Variants in ZNF385D observed in about 807,000 individuals in gnomAD.
ZNF385D encodes the protein zinc finger protein 659.
ZNF385D carries 15 observed loss-of-function variants against 35.8 expected under a neutral mutation model. The ratio of observed to expected loss-of-function variants is 0.42; its 90% CI spans 0.28 to 0.64. The LOEUF is 0.64. ZNF385D is among the 30% of genes least tolerant of loss of function. The pLI is 0.23. For synonymous variants in ZNF385D, 212 were observed against 186.8 expected (o/e 1.13, Z -1.10); for missense variants, 474 against 494.6 (o/e 0.96, Z 0.39).
At chr3:21,886,630 G>C (rs1398607195) in intron 3 of ZNF385D, among the ~76,000 whole-genome samples, 1 of 152,002 alleles carries the variant, frequency 6.6e-6, no homozygotes, top group African/African-American at 2.4e-5. Context: ...ATGCTACATT[G>C]TCTGTACTGA....
chr3:21,964,412 T>TA (rs60635259), intron 3 of ZNF385D, among the ~76,000 whole-genome samples: 3,197 of 71,196 alleles, frequency 0.045, 147 homozygotes, highest in Non-Finnish European at 0.069. Context: ...GTCCTTTTTG[T>TA]AAAAAAAAAA....
chr3:22,372,632 C>G lies in ZNF385D; in HGVS notation c.-77G>C, dbSNP rs569610642. On this transcript the variant is annotated 5_prime_UTR_variant, in exon 2 of 6. Transcript: ENST00000494108. ...CGCCTGCAGCTTCAACGGCGGTGGT[C>G]GCCGCGAGCCGTGAGCGGCGGCCAA... 1.3e-4 allele frequency: 55 copies of G among 416,884 alleles called. 1 individual carries two copies. The highest frequency in any genetic ancestry group is 1.5e-4 in the Non-Finnish European group (48 of 310,670). 25.8% of individuals were successfully genotyped at this position (416,884 alleles called of 1,614,324 possible). A position where few individuals can be genotyped will look rare whatever the true frequency, so the allele number is the denominator to read the frequency against.
chr3:21,433,244 T>A (rs949107347), intron 5 of ZNF385D, among the ~76,000 whole-genome samples: 2 of 152,160 alleles, frequency 1.3e-5, no homozygotes, highest in African/African-American at 4.8e-5. Context: ...TTGTTTAGAA[T>A]TCAGAATGCA....
intron 3 of ZNF385D, among the ~76,000 whole-genome samples, chr3:21,542,066 A>G (rs1273385483): frequency 6.6e-6 from 1 of 152,188 alleles, no homozygotes; most frequent in African/African-American, 2.4e-5. Flanking sequence ...TTTTTTTTCA[A>G]ATAAACTAAA....
chr3:21,766,604 T>C (rs1324676264), intron 3 of ZNF385D, among the ~76,000 whole-genome samples: 1 of 152,138 alleles, frequency 6.6e-6, no homozygotes, highest in African/African-American at 2.4e-5. Context: ...TGCAGTAGAA[T>C]AGAGAACATT....
chr3:21,941,490 CTTTTTTTTTTTTTTT>C (rs531693623), intron 3 of ZNF385D, among the ~76,000 whole-genome samples: 4 of 63,586 alleles, frequency 6.3e-5, no homozygotes, highest in South Asian at 8.3e-4. Context: ...TTCCATTACT[CTTTTTTTTTTTTTTT>C]TTTTTTTTTT....
chr3:22,244,762 T>A (rs936758919), intron 2 of ZNF385D, among the ~76,000 whole-genome samples: 2 of 151,028 alleles, frequency 1.3e-5, no homozygotes, highest in Non-Finnish European at 2.9e-5. Context: ...TTAAAAAGTA[T>A]CAGCGAGCTC....
At chr3:21,574,433 A>G (rs2063433561) in intron 2 of ZNF385D, among the ~76,000 whole-genome samples, 1 of 152,194 alleles carries the variant, frequency 6.6e-6, no homozygotes, top group Non-Finnish European at 1.5e-5. Flanking sequence ...CATAGCAGCC[A>G]CTTCAAACAA....
At chr3:22,027,478 G>A (rs956704269) in intron 3 of ZNF385D, among the ~76,000 whole-genome samples, 5 of 152,178 alleles carry the variant, frequency 3.3e-5, no homozygotes, top group Non-Finnish European at 7.3e-5. Context: ...AATCACAGTG[G>A]AGGCCTCTAG....
chr3:21,643,314 A>G (rs1331665459), intron 2 of ZNF385D, among the ~76,000 whole-genome samples: 2 of 152,128 alleles, frequency 1.3e-5, no homozygotes. Flanking sequence ...GTAAAAAGCT[A>G]GCATTGGTTG....
At chr3:22,108,716 A>G (rs1156432961) in intron 3 of ZNF385D, among the ~76,000 whole-genome samples, 6 of 152,138 alleles carry the variant, frequency 3.9e-5, no homozygotes, top group African/African-American at 1.4e-4. Context: ...AGATGAATAT[A>G]AAAAACATGT....
chr3:21,906,105 C>A (rs990421882), intron 3 of ZNF385D, among the ~76,000 whole-genome samples: 1 of 152,120 alleles, frequency 6.6e-6, no homozygotes, highest in African/African-American at 2.4e-5. Context: ...CTTCTAAAAC[C>A]CAGCCACACA....
chr3:21,688,949 A>G (rs1265962229), intron 1 of ZNF385D, among the ~76,000 whole-genome samples: 6 of 152,182 alleles, frequency 3.9e-5, no homozygotes, highest in Admixed American at 3.9e-4. Context: ...GTCCTTAACC[A>G]AGAAGATTGC....
At chr3:21,451,427 A>G (rs1050855952) in intron 4 of ZNF385D, among the ~76,000 whole-genome samples, 2 of 152,112 alleles carry the variant, frequency 1.3e-5, no homozygotes, top group Non-Finnish European at 2.9e-5. Flanking sequence ...ATCACTCAAA[A>G]TGAGATAAAG....
chr3:22,179,469 G>C (rs1279419369), intron 2 of ZNF385D, among the ~76,000 whole-genome samples: 5 of 152,248 alleles, frequency 3.3e-5, no homozygotes. Context: ...TTGCTTATCG[G>C]CTTAAGGAGA....
intron 2 of ZNF385D, among the ~76,000 whole-genome samples, chr3:21,633,284 C>G (rs920348123): frequency 3.3e-5 from 5 of 151,928 alleles, no homozygotes; most frequent in African/African-American, 1.2e-4. Flanking sequence ...GGCTATAGCA[C>G]TTGGATTATA....
At chr3:22,171,922 A>G (rs951029216) in intron 2 of ZNF385D, among the ~76,000 whole-genome samples, 3 of 151,626 alleles carry the variant, frequency 2.0e-5, no homozygotes, top group African/African-American at 7.3e-5. Flanking sequence ...TTGCAGGAAA[A>G]CTGCAGTGGC....
chr3:22,143,037 T>C (rs1704615096), intron 3 of ZNF385D, among the ~76,000 whole-genome samples: 1 of 151,426 alleles, frequency 6.6e-6, no homozygotes, highest in Admixed American at 6.6e-5. Context: ...AGAGATTCAT[T>C]TGATATATTC....
chr3:22,047,927 G>C (rs1301642825), intron 3 of ZNF385D, among the ~76,000 whole-genome samples: 1 of 151,866 alleles, frequency 6.6e-6, no homozygotes, highest in Non-Finnish European at 1.5e-5. Flanking sequence ...TGGTTTTTTT[G>C]CTAATATTAT....
Sources: gnomAD v4.1 joint callset for allele counts (sites outside exome capture counted in the v4.1 genomes callset) on GRCh38, gnomAD v4.1.1 for gene constraint, MANE v1.5 for transcripts, NCBI Gene and HGNC (gene_info 2026-07-23, HGNC 2026-07-21) for gene names.